The following PIAS3 variants were observed in gnomAD, a reference collection of about 807,000 sequenced individuals.
PIAS3 encodes E3 SUMO-protein ligase PIAS3.
A neutral mutation model predicts 67.6 loss-of-function variants in PIAS3; 34 were observed. The ratio of observed to expected loss-of-function variants is 0.50; its 90% confidence interval spans 0.38 to 0.67. The LOEUF is 0.67. Ranked by LOEUF, PIAS3 falls within the 30% of genes least tolerant of loss-of-function variation. PIAS3 has a pLI of 0.00. For missense variants in PIAS3, 693 were observed against 791.6 expected, an observed-to-expected ratio of 0.88 and a Z score of 1.49; for synonymous variants, 341 against 313.8, an observed-to-expected ratio of 1.09 and a Z score of -0.92.
chr1:145,857,618 C>T (rs1347167587), intron 1 of PIAS3, among the ~76,000 whole-genome samples: 1 of 152,176 alleles, frequency 6.6e-6, no homozygotes, highest in African/African-American at 2.4e-5. Flanking sequence ...GGGTTCAATG[C>T]TCATAACTTC....
intron 8 of PIAS3, 38 bp from the exon 9 acceptor site, chr1:145,853,702 C>T (rs782206820): frequency 9.9e-6 from 16 of 1,611,586 alleles, no homozygotes; most frequent in Non-Finnish European, 1.4e-5. Context: ...AGGCCCTACT[C>T]TGATTTCATC....
At position 145,850,996 on chromosome 1, in the gene PIAS3, G is replaced by A. The variant is rs1652939098; in HGVS notation, c.1279+24C>T. The A allele has an allele frequency of 5.0e-6, 8 of 1,614,188 alleles. No homozygotes were observed. The East Asian group carries it at 1.8e-4, about 36-fold the overall frequency. On this transcript the variant is annotated intron_variant, in intron 10 of 13. Coordinates refer to ENST00000393045, the MANE Select transcript of PIAS3 (RefSeq NM_006099.3). ...AAGAGGCCATCCAAGATTTAGCTTA[G>A]CTGGGGAACAGGGGGTCACTCACCA... is the stretch of plus-strand genomic sequence containing the variant.
intron 4 of PIAS3, 56 bp from the exon 5 acceptor site, chr1:145,855,882 T>C (rs1486142735): frequency 8.1e-7 from 1 of 1,232,712 alleles, no homozygotes; most frequent in African/African-American, 1.5e-5. Context: ...AACTTGAATC[T>C]GGCAGAGAGA....
rs1553735219 is a variant in PIAS3, at chr1:145,854,874, G to GGTA, written c.673_675dup (p.Tyr225dup). 3 of 1,614,048 alleles carry GGTA rather than the reference G, an allele frequency of 1.9e-6. No individual in the cohort carries two copies. The African/African-American group carries it at 4.0e-5, about 22-fold the overall frequency. On this transcript the variant is annotated inframe_insertion, in exon 6 of 14. Coordinates refer to ENST00000393045, the MANE Select transcript of PIAS3 (RefSeq NM_006099.3). The stretch of plus-strand genomic sequence containing the variant: ...TCGGCCCCATTCTTGGTTGGGGGAA[G>GGTA]GTAACCCTGGAGAAGGGAGGGATTG...
intron 7 of PIAS3, 92 bp downstream of exon 7, chr1:145,854,366 A>G: frequency 1.1e-6 from 1 of 879,052 alleles, no homozygotes; most frequent in Non-Finnish European, 1.9e-6. Context: ...GTAAGTTGTC[A>G]AAAAAGAGGT....
intron 3 of PIAS3, 107 bp from the exon 4 acceptor site, chr1:145,856,225 C>T: frequency 1.6e-6 from 2 of 1,262,004 alleles, no homozygotes; most frequent in Non-Finnish European, 2.3e-6. Context: ...AGAGAAGAGA[C>T]ACACAGAAGA....
chr1:145,849,847 C>G lies in PIAS3; in HGVS notation c.1621-135G>C. On this transcript the variant is annotated intron_variant, in intron 13 of 13. Coordinates refer to ENST00000393045, the MANE Select transcript of PIAS3 (RefSeq NM_006099.3). The stretch of plus-strand genomic sequence containing the variant: ...GGTATTCTCTTGAGAAGCAGGAGAG[C>G]CTCTCCCTCTTTCCCCTACTTCCCT... 3 of 1,476,720 alleles carry G rather than the reference C, an allele frequency of 2.0e-6. No individual in the cohort carries two copies. The South Asian group carries it at 4.3e-5, about 21-fold the overall frequency. The allele number at this position is 1,476,720 out of a possible 1,614,324, so 91.5% of individuals were successfully genotyped here. A position where few individuals can be genotyped will look rare whatever the true frequency, so the allele number is the denominator to read the frequency against.
chr1:145,851,285 C>T lies in PIAS3; in HGVS notation c.1146-132G>A, dbSNP rs969496715. ...TAAGAACATTATCCATCCTACTGGA[C>T]CGCTCTGAGTTGTTGGAATCAAATA... On this transcript the variant is annotated intron_variant, in intron 9 of 13. Transcript: ENST00000393045. The T allele has an allele frequency of 1.3e-5, 12 of 896,824 alleles. No individual in the cohort carries two copies. The Admixed American group carries it at 2.0e-4, about 15-fold the overall frequency. The allele number at this position is 896,824 out of a possible 1,614,324, so 55.6% of individuals were successfully genotyped here.
intron 9 of PIAS3, 55 bp downstream of exon 9, chr1:145,853,449 C>G (rs936376444): frequency 8.0e-7 from 1 of 1,245,774 alleles, no homozygotes; most frequent in South Asian, 1.6e-5. Flanking sequence ...AAGAAATAAC[C>G]AAGAAAAGAG....
intron 9 of PIAS3, among the ~76,000 whole-genome samples, chr1:145,851,858 C>T (rs1652977378): frequency 1.3e-5 from 2 of 150,262 alleles, no homozygotes; most frequent in Non-Finnish European, 2.9e-5. Flanking sequence ...GAGGCTGAGG[C>T]AGGAGAATTG....
At chr1:145,851,393 C>T (rs1178337929) in intron 9 of PIAS3, 4 of 457,686 alleles carry the variant, frequency 8.7e-6, no homozygotes, top group Non-Finnish European at 1.6e-5. Context: ...CAGTGGCTCA[C>T]GCCTTTAATC....
At chr1:145,855,492 AAAAC>A (rs1415123617) in intron 5 of PIAS3, among the ~76,000 whole-genome samples, 1 of 151,970 alleles carries the variant, frequency 6.6e-6, no homozygotes, top group Non-Finnish European at 1.5e-5. Context: ...TCAAAAAAAA[AAAAC>A]AAAAAAGAAG....
chr1:145,850,303 T>C (rs1187860684), intron 12 of PIAS3, 34 bp from the exon 13 acceptor site: 5 of 1,614,010 alleles, frequency 3.1e-6, no homozygotes, highest in East Asian at 2.2e-5. Context: ...ATTAACCTCC[T>C]ATCTGACCCC....
intron 7 of PIAS3, chr1:145,854,190 C>A: frequency 1.7e-6 from 1 of 593,694 alleles, no homozygotes; most frequent in Non-Finnish European, 3.0e-6. Context: ...CTTTCCAGTC[C>A]GGAGAGCCCA....
intron 7 of PIAS3, 56 bp downstream of exon 7, chr1:145,854,402 G>A (rs921590789): frequency 3.3e-6 from 4 of 1,206,978 alleles, no homozygotes; most frequent in Non-Finnish European, 4.9e-6. Flanking sequence ...AAGGCTGGAG[G>A]GCCAGGAAGA....
intron 9 of PIAS3, 53 bp downstream of exon 9, chr1:145,853,451 A>G: frequency 7.6e-7 from 1 of 1,311,024 alleles, no homozygotes; most frequent in African/African-American, 1.5e-5. Context: ...GAAATAACCA[A>G]GAAAAGAGGT....
chr1:145,850,415 G>GT, intron 12 of PIAS3, 38 bp downstream of exon 12: 1 of 1,612,688 alleles, frequency 6.2e-7, no homozygotes, highest in Non-Finnish European at 8.5e-7. Context: ...TGGGGAGGGT[G>GT]TGGCAGTGCA....
intron 1 of PIAS3, chr1:145,857,281 G>T: frequency 2.0e-6 from 1 of 490,568 alleles, no homozygotes; most frequent in South Asian, 2.4e-5. Flanking sequence ...AGTGGGGCAG[G>T]GAATGGCAGA....
chr1:145,857,979 G>A (rs910055234), intron 1 of PIAS3, among the ~76,000 whole-genome samples: 10 of 152,162 alleles, frequency 6.6e-5, no homozygotes, highest in Admixed American at 2.6e-4. Flanking sequence ...TAGACCTCCA[G>A]CCTTCCCAGG....
Sources: allele counts gnomAD v4.1 joint callset (sites outside exome capture counted in the v4.1 genomes callset), GRCh38; gene constraint gnomAD v4.1.1; transcripts MANE v1.5; gene names NCBI Gene and HGNC (gene_info 2026-07-23, HGNC 2026-07-21).